The following IGFBP7 variants were observed in gnomAD, a reference collection of about 807,000 sequenced individuals.
IGFBP7 encodes insulin like growth factor binding protein 7.
A neutral mutation model predicts 29.4 loss-of-function variants in IGFBP7; 31 were observed. That is an observed-to-expected ratio of 1.05 (90% CI 0.79 to 1.42). The LOEUF (loss-of-function observed/expected upper bound fraction) is 1.42. Ranked by LOEUF, IGFBP7 falls within the 40% of genes most tolerant of loss-of-function variation. The pLI is 0.00. For synonymous variants in IGFBP7, 172 were observed against 174.9 expected (o/e 0.98, Z 0.13); for missense variants, 393 against 395.5 (o/e 0.99, Z 0.05).
Position 57,107,410 on chromosome 4 carries a change from T to C in IGFBP7, c.475+2467A>G, listed in dbSNP as rs954102950. 5.3e-5 allele frequency among the ~76,000 whole-genome samples: 8 copies of C among 152,188 alleles called. No individual in the cohort carries two copies. The East Asian group carries it at 1.3e-3, about 26-fold the overall frequency. Reference sequence around the variant, plus strand: ...TAGAGGTCTAGAGGAACCTAGACAATGCATTTCCTATTCTGTGCAAAGCCC... The same window carrying C: ...TAGAGGTCTAGAGGAACCTAGACAACGCATTTCCTATTCTGTGCAAAGCCC... On this transcript the variant is annotated intron_variant, in intron 1 of 4. Transcript: ENST00000295666.
chr4:57,039,274 C>T (rs1045141217), intron 2 of IGFBP7, among the ~76,000 whole-genome samples: 1 of 152,078 alleles, frequency 6.6e-6, no homozygotes, highest in African/African-American at 2.4e-5. Flanking sequence ...TGAGTGCTAA[C>T]TATGTATCAA....
rs577755315 is a variant in IGFBP7 at position 57,090,218 on chromosome 4, A to G, written c.475+19659T>C. Among the ~76,000 whole-genome samples the G allele has an allele frequency of 1.2e-4, 19 of 152,240 alleles. No homozygotes were observed. In the South Asian group the frequency reaches 3.9e-3, roughly 32 times the overall value. The stretch of plus-strand genomic sequence containing the variant: ...CCACCATCTCCTTATATGTTGAGGG[A>G]TTGATTCAGAAAACTGCCGTCAACT... On this transcript the variant is annotated intron_variant, in intron 1 of 4. Coordinates refer to ENST00000295666, the MANE Select transcript of IGFBP7 (RefSeq NM_001553.3).
At chr4:57,032,202 A>T in intron 4 of IGFBP7, 1 of 1,200,234 alleles carries the variant, frequency 8.3e-7, no homozygotes, top group Non-Finnish European at 1.1e-6. Context: ...TACATGTTAG[A>T]TAAGGTAAAA....
At chr4:57,094,923 AG>A (rs1725727198) in intron 1 of IGFBP7, among the ~76,000 whole-genome samples, 1 of 152,252 alleles carries the variant, frequency 6.6e-6, no homozygotes, top group South Asian at 2.1e-4. Flanking sequence ...GTCCCCACTG[AG>A]GTGGAACAAG....
intron 1 of IGFBP7, among the ~76,000 whole-genome samples, chr4:57,046,528 A>G (rs1302460277): frequency 6.6e-6 from 1 of 152,210 alleles, no homozygotes; most frequent in Non-Finnish European, 1.5e-5. Flanking sequence ...GGCCAGGTCA[A>G]GGGTAATAAC....
At chr4:57,045,816 C>T (rs1047062009) in intron 1 of IGFBP7, among the ~76,000 whole-genome samples, 9 of 148,996 alleles carry the variant, frequency 6.0e-5, no homozygotes, top group African/African-American at 1.7e-4. Flanking sequence ...ACCTCTGCCT[C>T]GTGGGTTCAA....
chr4:57,035,787 T>C (rs1479026393), intron 2 of IGFBP7, among the ~76,000 whole-genome samples: 1 of 152,146 alleles, frequency 6.6e-6, no homozygotes, highest in East Asian at 1.9e-4. Flanking sequence ...CTAGTTAAAA[T>C]TGGAATTAAA....
intron 1 of IGFBP7, among the ~76,000 whole-genome samples, chr4:57,100,072 T>TTTC (rs1309937118): frequency 0.098 from 37 of 378 alleles, no homozygotes; most frequent in East Asian, 0.25. Context: ...CTTTTCTTTC[T>TTTC]TTTTTTTTTT....
chr4:57,098,798 T>C (rs1251569162), intron 1 of IGFBP7, among the ~76,000 whole-genome samples: 1 of 152,204 alleles, frequency 6.6e-6, no homozygotes. Context: ...GGGGGTCCTT[T>C]GGAAGCCAGG....
At chr4:57,072,904 C>G in intron 1 of IGFBP7, 1 of 705,454 alleles carries the variant, frequency 1.4e-6, no homozygotes, top group Admixed American at 1.8e-5. Context: ...CCTGCTACCA[C>G]CCCAACATGG....
chr4:57,100,142 C>T (rs1485086546), intron 1 of IGFBP7, among the ~76,000 whole-genome samples: 3 of 141,246 alleles, frequency 2.1e-5, no homozygotes, highest in African/African-American at 7.9e-5. Flanking sequence ...TCCATCATAG[C>T]CTCCTGCAGC....
chr4:57,047,169 G>C (rs2109750615), intron 1 of IGFBP7, among the ~76,000 whole-genome samples: 1 of 152,330 alleles, frequency 6.6e-6, no homozygotes, highest in African/African-American at 2.4e-5. Context: ...CGCGGTGGAA[G>C]GTAATTGAAT....
At chr4:57,038,807 C>T (rs531340351) in intron 2 of IGFBP7, among the ~76,000 whole-genome samples, 1 of 152,168 alleles carries the variant, frequency 6.6e-6, no homozygotes, top group East Asian at 1.9e-4. Flanking sequence ...TGGCTCACAC[C>T]TGTAATCCTA....
chr4:57,100,327 A>C (rs1366459921), intron 1 of IGFBP7, among the ~76,000 whole-genome samples: 1 of 150,640 alleles, frequency 6.6e-6, no homozygotes, highest in Non-Finnish European at 1.5e-5. Context: ...AGATCCTCCC[A>C]CCTTGGCCTC....
chr4:57,036,567 G>A (rs1052379146), intron 2 of IGFBP7, among the ~76,000 whole-genome samples: 4 of 152,160 alleles, frequency 2.6e-5, no homozygotes, highest in Non-Finnish European at 1.5e-5. Flanking sequence ...GGCTATTTCA[G>A]TTCACGTTCC....
At chr4:57,075,830 T>C (rs771022476) in intron 1 of IGFBP7, among the ~76,000 whole-genome samples, 1 of 152,304 alleles carries the variant, frequency 6.6e-6, no homozygotes, top group South Asian at 2.1e-4. Flanking sequence ...TACCTGAATA[T>C]CTGTGTATGA....
intron 1 of IGFBP7, among the ~76,000 whole-genome samples, chr4:57,078,639 G>T (rs2109783952): frequency 6.6e-6 from 1 of 152,066 alleles, no homozygotes; most frequent in East Asian, 1.9e-4. Flanking sequence ...TACCCTTGAT[G>T]GGCCAGTGAT....
At chr4:57,054,448 C>CA (rs1260922223) in intron 1 of IGFBP7, among the ~76,000 whole-genome samples, 1 of 151,990 alleles carries the variant, frequency 6.6e-6, no homozygotes, top group Non-Finnish European at 1.5e-5. Flanking sequence ...TCCTGGCTAA[C>CA]ATGGTGAAAA....
intron 1 of IGFBP7, among the ~76,000 whole-genome samples, chr4:57,041,934 G>C (rs576719324): frequency 8.5e-5 from 13 of 152,292 alleles, no homozygotes; most frequent in African/African-American, 3.1e-4. Flanking sequence ...TGGTAAGAAG[G>C]AAGAAGAGTG....
Sources: gnomAD v4.1 joint callset for allele counts (sites outside exome capture counted in the v4.1 genomes callset) on GRCh38, gnomAD v4.1.1 for gene constraint, MANE v1.5 for transcripts, NCBI Gene and HGNC (gene_info 2026-07-23, HGNC 2026-07-21) for gene names.